The following NELL1 variants were observed in gnomAD, a reference collection of about 807,000 sequenced individuals.
NELL1 encodes the protein neural EGFL like 1.
A neutral mutation model predicts 107.4 loss-of-function variants in NELL1; 76 were observed. That is an observed-to-expected ratio of 0.71 (90% CI 0.59 to 0.86). The LOEUF (loss-of-function observed/expected upper bound fraction) is 0.86. Ranked by LOEUF, NELL1 falls within the 40% of genes least tolerant of loss-of-function variation. NELL1 has a pLI of 0.00. For synonymous variants in NELL1, 353 were observed against 341.2 expected, an observed-to-expected ratio of 1.03 and a Z score of -0.38; for missense variants, 1,024 against 1,005.5, an observed-to-expected ratio of 1.02 and a Z score of -0.25.
intron 11 of NELL1, among the ~76,000 whole-genome samples, chr11:20,958,742 C>T (rs1045282980): frequency 3.3e-5 from 5 of 152,094 alleles, no homozygotes; most frequent in African/African-American, 1.2e-4. Context: ...TAGCAGGGAA[C>T]AAGAAAGACT....
At chr11:20,941,732 A>G (rs571126741) in intron 10 of NELL1, among the ~76,000 whole-genome samples, 1 of 152,328 alleles carries the variant, frequency 6.6e-6, no homozygotes, top group East Asian at 1.9e-4. Context: ...CCTGATTTCT[A>G]GAAAATAGAA....
At chr11:21,050,563 A>C (rs77841226) in intron 12 of NELL1, among the ~76,000 whole-genome samples, 1,567 of 152,314 alleles carry the variant, frequency 0.01, 35 homozygotes, top group African/African-American at 0.034. Flanking sequence ...TATGACACAT[A>C]AATATTCAGA....
At chr11:20,866,348 A>G (rs946098629) in intron 4 of NELL1, among the ~76,000 whole-genome samples, 3 of 152,196 alleles carry the variant, frequency 2.0e-5, no homozygotes, top group Non-Finnish European at 4.4e-5. Context: ...ACCTTAGCCC[A>G]CAGGTCCAAC....
intron 13 of NELL1, among the ~76,000 whole-genome samples, chr11:21,206,359 A>C (rs570299155): frequency 3.3e-5 from 5 of 152,254 alleles, no homozygotes; most frequent in African/African-American, 1.2e-4. Flanking sequence ...CATTGGATTT[A>C]GGGCCCATAC....
intron 14 of NELL1, among the ~76,000 whole-genome samples, chr11:21,239,208 C>T (rs1326340965): frequency 1.3e-5 from 2 of 151,986 alleles, no homozygotes; most frequent in African/African-American, 2.4e-5. Context: ...CTCTGTGGTA[C>T]TTCATAAACA....
chr11:21,238,917 G>T (rs1858278064), intron 14 of NELL1, among the ~76,000 whole-genome samples: 1 of 152,050 alleles, frequency 6.6e-6, no homozygotes, highest in Non-Finnish European at 1.5e-5. Context: ...AAAGGTGATT[G>T]TAAAAGAACA....
chr11:21,192,412 A>G (rs2133837213), intron 13 of NELL1, among the ~76,000 whole-genome samples: 1 of 152,062 alleles, frequency 6.6e-6, no homozygotes, highest in East Asian at 1.9e-4. Context: ...GCATTTAAAT[A>G]AGTAAATTCA....
intron 14 of NELL1, among the ~76,000 whole-genome samples, chr11:21,259,015 T>C (rs1056978811): frequency 1.3e-5 from 2 of 151,744 alleles, no homozygotes; most frequent in Non-Finnish European, 2.9e-5. Flanking sequence ...AAATAGAACG[T>C]CCCTAAGACA....
intron 5 of NELL1, among the ~76,000 whole-genome samples, chr11:20,894,223 A>T (rs567504755): frequency 3.3e-5 from 5 of 152,372 alleles, no homozygotes; most frequent in African/African-American, 1.2e-4. Flanking sequence ...TGTAGGAAAA[A>T]TACTTTTTAA....
At chr11:21,271,031 G>A (rs1025792411) in intron 14 of NELL1, among the ~76,000 whole-genome samples, 24 of 152,006 alleles carry the variant, frequency 1.6e-4, no homozygotes, top group African/African-American at 5.8e-4. Context: ...AGCATTGAAT[G>A]CACATATTAG....
chr11:20,773,487 TG>T (rs1480976464), intron 2 of NELL1: 1 of 151,916 alleles, frequency 6.6e-6, no homozygotes, highest in Non-Finnish European at 1.5e-5. Flanking sequence ...GATGTGAAAT[TG>T]GATTTTTTTT....
At chr11:20,958,889 C>T (rs779680234) in intron 11 of NELL1, among the ~76,000 whole-genome samples, 5 of 152,052 alleles carry the variant, frequency 3.3e-5, no homozygotes, top group Non-Finnish European at 5.9e-5. Flanking sequence ...ATAGGCATAC[C>T]CTGGAGATAT....
chr11:20,672,746 G>T (rs1853945450), intron 1 of NELL1, among the ~76,000 whole-genome samples: 1 of 152,086 alleles, frequency 6.6e-6, no homozygotes, highest in South Asian at 2.1e-4. Context: ...TTGCTTTCCA[G>T]TTTGTTTTGG....
intron 12 of NELL1, among the ~76,000 whole-genome samples, chr11:20,983,518 A>G (rs1015001911): frequency 6.6e-6 from 1 of 152,162 alleles, no homozygotes. Flanking sequence ...TGTGAGTGAT[A>G]GCACCAACCC....
At chr11:21,024,338 GT>G (rs997969670) in intron 12 of NELL1, among the ~76,000 whole-genome samples, 5 of 152,048 alleles carry the variant, frequency 3.3e-5, no homozygotes, top group African/African-American at 1.2e-4. Flanking sequence ...TACATTGTCT[GT>G]TTTATGGCTT....
At chr11:20,892,659 G>A (rs1198350235) in intron 5 of NELL1, among the ~76,000 whole-genome samples, 3 of 152,192 alleles carry the variant, frequency 2.0e-5, no homozygotes, top group East Asian at 1.9e-4. Flanking sequence ...GGCCAGACAC[G>A]GTGGCTCACA....
At chr11:21,129,805 C>T (rs1318792891) in intron 13 of NELL1, among the ~76,000 whole-genome samples, 1 of 152,096 alleles carries the variant, frequency 6.6e-6, no homozygotes, top group Non-Finnish European at 1.5e-5. Flanking sequence ...ATTAGTTTTA[C>T]AAGATGAAAA....
At chr11:21,539,145 C>T (rs995094469) in intron 16 of NELL1, among the ~76,000 whole-genome samples, 2 of 152,088 alleles carry the variant, frequency 1.3e-5, no homozygotes, top group Non-Finnish European at 2.9e-5. Flanking sequence ...GGACTTGTGA[C>T]AAAGATGTGG....
intron 2 of NELL1, among the ~76,000 whole-genome samples, chr11:20,752,238 T>G (rs1856156942): frequency 6.6e-6 from 1 of 152,146 alleles, no homozygotes; most frequent in South Asian, 2.1e-4. Flanking sequence ...TATTCCTACT[T>G]TGCTGAGAGA....
Sources: gnomAD v4.1 joint callset for allele counts (sites outside exome capture counted in the v4.1 genomes callset) on GRCh38, gnomAD v4.1.1 for gene constraint, MANE v1.5 for transcripts, NCBI Gene and HGNC (gene_info 2026-07-23, HGNC 2026-07-21) for gene names.